The following DLGAP2 variants were observed in gnomAD, a reference collection of about 807,000 sequenced individuals.
The protein encoded by DLGAP2 is disks large-associated protein 2.
Under a neutral mutation model 100.3 loss-of-function variants are expected in DLGAP2, and 26 were observed. The ratio of observed to expected loss-of-function variants is 0.26; its 90% CI spans 0.19 to 0.36. DLGAP2 has a LOEUF of 0.36. DLGAP2 is among the 10% of genes least tolerant of loss of function. The probability of loss-of-function intolerance (pLI) is 1.00; values close to 1 mark genes in which losing one functional copy is unlikely to be tolerated. For missense variants in DLGAP2, 1,858 were observed against 1,453.2 expected, an observed-to-expected ratio of 1.28 and a Z score of -4.53; for synonymous variants, 886 against 630.1, an observed-to-expected ratio of 1.41 and a Z score of -6.08.
At chr8:1,226,541 TG>T (rs1385041825) in intron 2 of DLGAP2, among the ~76,000 whole-genome samples, 1 of 152,094 alleles carries the variant, frequency 6.6e-6, no homozygotes, top group African/African-American at 2.4e-5. Context: ...CCAAGGTTGA[TG>T]GGTGCAGCAA....
intron 3 of DLGAP2, among the ~76,000 whole-genome samples, chr8:1,303,137 C>A (rs1800399492): frequency 6.6e-6 from 1 of 152,174 alleles, no homozygotes; most frequent in Non-Finnish European, 1.5e-5. Flanking sequence ...GTGGCTCACG[C>A]CTGTAATCCC....
In DLGAP2 at chr8:1,441,854, C is replaced by T. The variant is rs151081260; in HGVS notation, c.107-59512C>T. Among the ~76,000 whole-genome samples the T allele has an allele frequency of 1.0e-3, 157 of 150,842 alleles. No homozygotes were observed. In the East Asian group the frequency reaches 0.017, roughly 16 times the overall value. Reference sequence around the variant, plus strand: ...ATGTGCAGGACATGCAGGTTTGTTACGTAGGTAAACATGCTCCACAGGGTT... The same window carrying T: ...ATGTGCAGGACATGCAGGTTTGTTATGTAGGTAAACATGCTCCACAGGGTT... On this transcript the variant is annotated intron_variant, in intron 3 of 14. Transcript: ENST00000637795.
At chr8:861,634 T>C (rs925890531) in intron 1 of DLGAP2, among the ~76,000 whole-genome samples, 2 of 152,250 alleles carry the variant, frequency 1.3e-5, no homozygotes, top group African/African-American at 4.8e-5. Flanking sequence ...AAATCAAATA[T>C]GGAATTCCAA....
intron 4 of DLGAP2, among the ~76,000 whole-genome samples, chr8:1,547,744 C>T (rs1477386031): frequency 6.6e-6 from 1 of 152,154 alleles, no homozygotes; most frequent in Non-Finnish European, 1.5e-5. Context: ...TCAGGGAAAG[C>T]CCATCACAGG....
At chr8:1,185,863 G>A (rs563929894) in intron 2 of DLGAP2, among the ~76,000 whole-genome samples, 6 of 152,160 alleles carry the variant, frequency 3.9e-5, no homozygotes, top group South Asian at 2.1e-4. Context: ...CAGCAGTGAC[G>A]CCCAACTTGC....
At chr8:1,173,835 G>C (rs925124416) in intron 2 of DLGAP2, among the ~76,000 whole-genome samples, 1 of 152,210 alleles carries the variant, frequency 6.6e-6, no homozygotes, top group Non-Finnish European at 1.5e-5. Context: ...TGCGCTTCCT[G>C]AGTGAGGCAA....
At chr8:1,304,309 T>A (rs1490404220) in intron 3 of DLGAP2, among the ~76,000 whole-genome samples, 1 of 152,194 alleles carries the variant, frequency 6.6e-6, no homozygotes, top group Non-Finnish European at 1.5e-5. Context: ...CAGGTGCAGC[T>A]GGCCCTGATG....
intron 5 of DLGAP2, among the ~76,000 whole-genome samples, chr8:1,555,872 G>C (rs1801947290): frequency 6.6e-6 from 1 of 152,252 alleles, no homozygotes; most frequent in African/African-American, 2.4e-5. Context: ...CTTGTGTCTG[G>C]TAAATCTTTC....
chr8:1,484,706 C>G (rs1441068927), intron 3 of DLGAP2, among the ~76,000 whole-genome samples: 2 of 152,222 alleles, frequency 1.3e-5, no homozygotes, highest in Non-Finnish European at 2.9e-5. Context: ...AGTCCGTAAA[C>G]TCTTATGGGA....
chr8:1,265,085 C>T (rs534667663), intron 3 of DLGAP2, among the ~76,000 whole-genome samples: 8 of 152,216 alleles, frequency 5.3e-5, no homozygotes, highest in African/African-American at 1.7e-4. Context: ...TCGAGTATTT[C>T]TTCATAGCAC....
At chr8:1,210,529 C>T (rs866974854) in intron 2 of DLGAP2, among the ~76,000 whole-genome samples, 2 of 152,198 alleles carry the variant, frequency 1.3e-5, no homozygotes, top group Non-Finnish European at 2.9e-5. Context: ...ACGTAGAATG[C>T]CCCCAGCAAG....
chr8:794,660 C>A (rs542647859), intron 1 of DLGAP2, among the ~76,000 whole-genome samples: 35 of 152,344 alleles, frequency 2.3e-4, no homozygotes, highest in African/African-American at 8.2e-4. Flanking sequence ...AAACCCACAA[C>A]CTTCCAGCTT....
At chr8:1,179,914 T>C (rs898105530) in intron 2 of DLGAP2, among the ~76,000 whole-genome samples, 3 of 151,880 alleles carry the variant, frequency 2.0e-5, no homozygotes, top group African/African-American at 7.3e-5. Context: ...AAATAACGAG[T>C]AGATGGGAAA....
intron 2 of DLGAP2, among the ~76,000 whole-genome samples, chr8:1,179,397 G>C (rs17753522): frequency 6.6e-6 from 1 of 152,156 alleles, no homozygotes; most frequent in African/African-American, 2.4e-5. Flanking sequence ...CTGTGCAGTC[G>C]ATGGACACTT....
At chr8:1,651,779 A>T (rs1248827268) in intron 8 of DLGAP2, among the ~76,000 whole-genome samples, 1 of 152,194 alleles carries the variant, frequency 6.6e-6, no homozygotes, top group Non-Finnish European at 1.5e-5. Context: ...CGTATTTTCC[A>T]TCTGGGTATG....
intron 1 of DLGAP2, among the ~76,000 whole-genome samples, chr8:790,523 A>G (rs1038033564): frequency 1.3e-5 from 2 of 152,182 alleles, no homozygotes; most frequent in African/African-American, 4.8e-5. Flanking sequence ...GCATGGGGAG[A>G]GAAACCTGGA....
At position 1,603,697 on chromosome 8, in the gene DLGAP2, A is replaced by C. The variant is rs546025702; in HGVS notation, c.1443-23043A>C. Among the ~76,000 whole-genome samples, 38 of 151,832 alleles carry C rather than the reference A, an allele frequency of 2.5e-4. 1 individual carries two copies. In the South Asian group the frequency reaches 7.8e-3, roughly 31 times the overall value. ...AGCAAGGCCATGACATCTCCTCCACACTGTGATGGGCTCAGCATCCAGCTC... is the reference window on the plus strand; with the variant it reads ...AGCAAGGCCATGACATCTCCTCCACCCTGTGATGGGCTCAGCATCCAGCTC... On this transcript the variant is annotated intron_variant, in intron 6 of 14. Coordinates refer to ENST00000637795, the MANE Select transcript of DLGAP2 (RefSeq NM_001346810.2).
chr8:1,191,372 G>C (rs190087383), intron 2 of DLGAP2, among the ~76,000 whole-genome samples: 1 of 152,002 alleles, frequency 6.6e-6, no homozygotes, highest in African/African-American at 2.4e-5. Context: ...GGATTTCACC[G>C]TGTTAGCCAG....
At chr8:1,023,691 C>A (rs780061053) in intron 2 of DLGAP2, among the ~76,000 whole-genome samples, 1 of 152,112 alleles carries the variant, frequency 6.6e-6, no homozygotes, top group Admixed American at 6.6e-5. Flanking sequence ...TTACCAGCAC[C>A]TTTTCCCCAT....
Sources: allele counts gnomAD v4.1 joint callset (sites outside exome capture counted in the v4.1 genomes callset), GRCh38; gene constraint gnomAD v4.1.1; transcripts MANE v1.5; gene names NCBI Gene and HGNC (gene_info 2026-07-23, HGNC 2026-07-21).